The following DTWD2 variants were observed in gnomAD, a reference collection of about 807,000 sequenced individuals.
The protein encoded by DTWD2 is tRNA-uridine aminocarboxypropyltransferase 2.
A neutral mutation model predicts 31.8 loss-of-function variants in DTWD2; 39 were observed. The ratio of observed to expected loss-of-function variants is 1.22; its 90% CI spans 0.95 to 1.60. The LOEUF is 1.60. Ranked by LOEUF, DTWD2 falls within the 40% of genes most tolerant of loss-of-function variation. DTWD2 has a pLI of 0.00. For synonymous variants in DTWD2, 180 were observed against 142.8 expected, an observed-to-expected ratio of 1.26 and a Z score of -1.86; for missense variants, 515 against 381.5, an observed-to-expected ratio of 1.35 and a Z score of -2.92.
chr5:118,911,213 T>G (rs1012340852), intron 4 of DTWD2, among the ~76,000 whole-genome samples: 1 of 152,228 alleles, frequency 6.6e-6, no homozygotes, highest in African/African-American at 2.4e-5. Flanking sequence ...ACTAACTGAT[T>G]GTGCCACTGG....
chr5:118,844,739 G>A (rs1382169079), intron 5 of DTWD2, among the ~76,000 whole-genome samples: 1 of 152,158 alleles, frequency 6.6e-6, no homozygotes, highest in African/African-American at 2.4e-5. Context: ...AACTGCTCTA[G>A]AATAAAGAGT....
At chr5:118,930,908 AG>A (rs1753908577) in intron 3 of DTWD2, among the ~76,000 whole-genome samples, 1 of 152,132 alleles carries the variant, frequency 6.6e-6, no homozygotes. Flanking sequence ...TGACAGTTAA[AG>A]GTAGAGGGTT....
In DTWD2 at chr5:118,837,327, T is replaced by C. The variant is rs939950520; in HGVS notation, c.*3590A>G. On this transcript the variant is annotated 3_prime_UTR_variant, in exon 6 of 6. Transcript: ENST00000510708. ...ATGCAAAGTTTCATTCCATCTATAATGCAATATTATTTATTCATAAAAATA... is the reference window on the plus strand; with the variant it reads ...ATGCAAAGTTTCATTCCATCTATAACGCAATATTATTTATTCATAAAAATA... 1 of 152,210 alleles carries C rather than the reference T, an allele frequency of 6.6e-6. No homozygotes were observed. Among genetic ancestry groups the C allele is most frequent in the African/African-American group, 2.4e-5 (1 of 41,464 alleles). The allele number at this position is 152,210 out of a possible 1,614,324, so 9.4% of individuals were successfully genotyped here. A position where few individuals can be genotyped will look rare whatever the true frequency, so the allele number is the denominator to read the frequency against.
intron 5 of DTWD2, among the ~76,000 whole-genome samples, chr5:118,844,146 T>C (rs1039996179): frequency 6.6e-6 from 1 of 152,228 alleles, no homozygotes; most frequent in Admixed American, 6.5e-5. Context: ...TCTTATCTGA[T>C]TTCAACTTCA....
At chr5:118,977,338 G>A (rs2149602144) in intron 1 of DTWD2, among the ~76,000 whole-genome samples, 1 of 152,258 alleles carries the variant, frequency 6.6e-6, no homozygotes, top group East Asian at 1.9e-4. Flanking sequence ...TCTGGTCAGG[G>A]CAATCAGGCA....
chr5:118,936,108 G>T (rs1754039731), intron 3 of DTWD2, among the ~76,000 whole-genome samples: 1 of 152,062 alleles, frequency 6.6e-6, no homozygotes, highest in South Asian at 2.1e-4. Flanking sequence ...CCAAATATCT[G>T]GAAATTAAGC....
intron 4 of DTWD2, among the ~76,000 whole-genome samples, chr5:118,911,664 T>G (rs1029428772): frequency 6.6e-6 from 1 of 152,172 alleles, no homozygotes; most frequent in African/African-American, 2.4e-5. Context: ...TATATATACA[T>G]GCACACACAT....
At chr5:118,936,812 C>CAA (rs1292947266) in intron 3 of DTWD2, among the ~76,000 whole-genome samples, 9 of 151,626 alleles carry the variant, frequency 5.9e-5, no homozygotes, top group African/African-American at 2.2e-4. Context: ...AACACAAAGC[C>CAA]AAATCTTGAT....
rs544689444 is a variant in DTWD2 at position 118,926,190 on chromosome 5, T to C, written c.597+2347A>G. ...ATGAGTGGACAAAGAAAATGTAGTA[T>C]ATATATACCACGGAATACTACTCAG... is the stretch of plus-strand genomic sequence containing the variant. On this transcript the variant is annotated intron_variant, in intron 4 of 5. Coordinates refer to ENST00000510708, the MANE Select transcript of DTWD2 (RefSeq NM_173666.4). Among the ~76,000 whole-genome samples, 15 of 152,250 alleles carry C rather than the reference T, an allele frequency of 9.9e-5. No individual in the cohort carries two copies. In the East Asian group the frequency reaches 1.9e-3, roughly 20 times the overall value.
At chr5:118,847,486 G>A (rs1751885466) in intron 5 of DTWD2, among the ~76,000 whole-genome samples, 1 of 151,980 alleles carries the variant, frequency 6.6e-6, no homozygotes, top group Non-Finnish European at 1.5e-5. Context: ...AGACTGAGAT[G>A]TTAGTAAGCA....
chr5:118,875,701 C>T (rs535672970), intron 4 of DTWD2, among the ~76,000 whole-genome samples: 1 of 152,184 alleles, frequency 6.6e-6, no homozygotes, highest in South Asian at 2.1e-4. Context: ...ACAGGAGCAT[C>T]CAGATTTATA....
intron 4 of DTWD2, among the ~76,000 whole-genome samples, chr5:118,854,739 C>G (rs552942354): frequency 1.3e-5 from 2 of 152,150 alleles, no homozygotes; most frequent in East Asian, 3.9e-4. Flanking sequence ...TAGGTATAAA[C>G]TTGATACTAT....
chr5:118,929,908 G>T (rs549896701), intron 3 of DTWD2, among the ~76,000 whole-genome samples: 1 of 152,108 alleles, frequency 6.6e-6, no homozygotes, highest in African/African-American at 2.4e-5. Flanking sequence ...GGCTGCTATC[G>T]GTGCGGTTTC....
At position 118,988,355 on chromosome 5, in the gene DTWD2, CCGCACTGTCGTCGTCCG is replaced by C; in HGVS notation, c.140_156del (p.Ala47GlyfsTer16). The C allele has an allele frequency of 6.4e-7, 1 of 1,563,532 alleles. No individual in the cohort carries two copies. The highest frequency in any genetic ancestry group is 8.6e-7 in the Non-Finnish European group (1 of 1,157,016). On this transcript the variant is annotated frameshift_variant, in exon 1 of 6. Coordinates refer to ENST00000510708, the MANE Select transcript of DTWD2 (RefSeq NM_173666.4). LOFTEE classifies it high-confidence loss of function. ...TCCACCGGCAGCTCCCACAGCCCGT[CCGCACTGTCGTCGTCCG>C]CCTCTGCGCCCAGGGCAGCCGCCGC...
intron 4 of DTWD2, among the ~76,000 whole-genome samples, chr5:118,900,916 C>T (rs1262185759): frequency 6.8e-6 from 1 of 147,434 alleles, no homozygotes; most frequent in Non-Finnish European, 1.5e-5. Context: ...CAGAGTGAGA[C>T]TGCGTCTCAA....
intron 1 of DTWD2, among the ~76,000 whole-genome samples, chr5:118,945,840 T>C (rs1371357338): frequency 2.7e-5 from 4 of 150,494 alleles, no homozygotes; most frequent in African/African-American, 9.9e-5. Context: ...ATCCCAGATA[T>C]GGGAGTAAAT....
At chr5:118,983,229 C>G (rs1389019509) in intron 1 of DTWD2, among the ~76,000 whole-genome samples, 1 of 152,088 alleles carries the variant, frequency 6.6e-6, no homozygotes, top group East Asian at 1.9e-4. Flanking sequence ...GCTACAGTGA[C>G]CTGGAGAGAT....
intron 5 of DTWD2, among the ~76,000 whole-genome samples, chr5:118,844,841 T>A (rs933503013): frequency 6.6e-6 from 1 of 152,098 alleles, no homozygotes; most frequent in African/African-American, 2.4e-5. Context: ...AAGTGAAAAT[T>A]TACTCTTCTC....
intron 1 of DTWD2, among the ~76,000 whole-genome samples, chr5:118,954,297 C>A (rs1489765590): frequency 6.6e-6 from 1 of 152,110 alleles, no homozygotes; most frequent in Non-Finnish European, 1.5e-5. Context: ...TCAATCAAAT[C>A]ATCCACCTTT....
Sources: allele counts gnomAD v4.1 joint callset (sites outside exome capture counted in the v4.1 genomes callset), GRCh38; gene constraint gnomAD v4.1.1; transcripts MANE v1.5; gene names NCBI Gene and HGNC (gene_info 2026-07-23, HGNC 2026-07-21).